Variants in SLC26A8 observed in about 807,000 individuals in gnomAD.
The protein encoded by SLC26A8 is testis anion transporter 1.
SLC26A8 carries 70 observed loss-of-function variants against 105.0 expected under a neutral mutation model. The ratio of observed to expected loss-of-function variants is 0.67; its 90% CI spans 0.55 to 0.81. The LOEUF is 0.81. Ranked by LOEUF, SLC26A8 falls within the 40% of genes least tolerant of loss-of-function variation. The pLI is 0.00. For missense variants in SLC26A8, 998 were observed against 1,181.8 expected, an observed-to-expected ratio of 0.84 and a Z score of 2.28; for synonymous variants, 415 against 438.3, an observed-to-expected ratio of 0.95 and a Z score of 0.66.
chr6:35,997,900 A>G lies in SLC26A8; in HGVS notation c.465T>C (p.Ser155=), dbSNP rs769978909. The change falls in exon 5 of 20, where the codon AGT becomes AGC. Residue 155 remains serine (S), a synonymous_variant. Coordinates refer to ENST00000490799, the MANE Select transcript of SLC26A8 (RefSeq NM_052961.4). ...QMSIGSFFLV[S]ALLINVLKVS... is the part of the protein sequence containing the mutation. ...CTTTCAGAACGTTGATCAGCAGAGCACTCACCAGGAAGAAGGAACCTGTGG... is the reference window on the plus strand; with the variant it reads ...CTTTCAGAACGTTGATCAGCAGAGCGCTCACCAGGAAGAAGGAACCTGTGG... 13 of 1,613,966 alleles carry G rather than the reference A, an allele frequency of 8.1e-6. No homozygotes were observed. Among genetic ancestry groups the G allele is most frequent in the Non-Finnish European group, 1.7e-6 (2 of 1,180,010 alleles).
chr6:36,001,891 C>T (rs1025825045), intron 3 of SLC26A8, among the ~76,000 whole-genome samples: 3 of 152,188 alleles, frequency 2.0e-5, no homozygotes, highest in African/African-American at 7.2e-5. Flanking sequence ...TCAGTAGACC[C>T]TTGAGATAAC....
chr6:36,003,424 C>T (rs1354117254), intron 3 of SLC26A8, among the ~76,000 whole-genome samples: 1 of 152,056 alleles, frequency 6.6e-6, no homozygotes, highest in African/African-American at 2.4e-5. Flanking sequence ...GTGTTAATTG[C>T]TCTAATTACT....
intron 17 of SLC26A8, among the ~76,000 whole-genome samples, chr6:35,951,874 C>A (rs1249343738): frequency 1.3e-5 from 2 of 152,234 alleles, no homozygotes; most frequent in Non-Finnish European, 2.9e-5. Context: ...CTGCACCCAG[C>A]CAATTAGCCG....
intron 2 of SLC26A8, 39 bp downstream of exon 2, chr6:36,019,481 G>A (rs1388533390): frequency 6.3e-7 from 1 of 1,593,254 alleles, no homozygotes; most frequent in South Asian, 1.1e-5. Flanking sequence ...TTTCAGTCCT[G>A]CCCGGCTCGG....
intron 7 of SLC26A8, among the ~76,000 whole-genome samples, chr6:35,985,142 C>A (rs970140100): frequency 5.3e-5 from 8 of 151,978 alleles, no homozygotes; most frequent in Non-Finnish European, 1.2e-4. Context: ...GAAGCCCCCA[C>A]CCCTTCAATT....
Position 35,943,983 on chromosome 6 carries a change from G to T in SLC26A8, c.2830C>A (p.Gln944Lys), listed in dbSNP as rs1042278018. 6.2e-7 allele frequency: 1 copy of T among 1,614,190 alleles called. No homozygotes were observed. Among genetic ancestry groups the T allele is most frequent in the Non-Finnish European group, 8.5e-7 (1 of 1,180,042 alleles). Residue 944 changes from glutamine (Q) to lysine (K), a missense_variant, in exon 20 of 20, where the codon CAG becomes AAG. Transcript: ENST00000490799. ...PSMASTQSQT[Q>K]TRTWSVERRR... is the part of the protein sequence containing the mutation. The stretch of plus-strand genomic sequence containing the variant: ...CTCTCCACTGACCATGTCCGAGTCT[G>T]AGTCTGAGACTGGGTGGAAGCCATA...
chr6:35,991,401 C>CAAAAAA (rs10717911), intron 7 of SLC26A8, among the ~76,000 whole-genome samples: 1 of 100,470 alleles, frequency 1.0e-5, no homozygotes, highest in African/African-American at 3.7e-5. Flanking sequence ...AAGACTCTGT[C>CAAAAAA]AAAAAAAAAA....
At chr6:35,995,201 T>C (rs969659) in intron 5 of SLC26A8, among the ~76,000 whole-genome samples, 63,835 of 152,074 alleles carry the variant, frequency 0.42, 13,691 homozygotes, top group South Asian at 0.56. Flanking sequence ...CCTTCCATCT[T>C]GTAAATGGCA....
intron 2 of SLC26A8, among the ~76,000 whole-genome samples, chr6:36,014,413 A>G (rs1397857934): frequency 1.3e-5 from 2 of 152,220 alleles, no homozygotes; most frequent in Non-Finnish European, 2.9e-5. Flanking sequence ...TCTGGATTTC[A>G]GTTAAGACAT....
At chr6:36,014,153 T>TG (rs999424847) in intron 2 of SLC26A8, among the ~76,000 whole-genome samples, 4 of 152,312 alleles carry the variant, frequency 2.6e-5, no homozygotes, top group Non-Finnish European at 5.9e-5. Flanking sequence ...TGAGCCTCTG[T>TG]GGAGAAGAGT....
At chr6:36,009,105 T>A (rs1156617370) in intron 3 of SLC26A8, among the ~76,000 whole-genome samples, 1 of 152,028 alleles carries the variant, frequency 6.6e-6, no homozygotes, top group Non-Finnish European at 1.5e-5. Flanking sequence ...GTAATCCCAG[T>A]ACTTTGGGAG....
At chr6:35,997,684 T>C in intron 5 of SLC26A8, 54 bp downstream of exon 5, 1 of 1,559,738 alleles carries the variant, frequency 6.4e-7, no homozygotes, top group East Asian at 2.2e-5. Context: ...AAGGGGTCTG[T>C]TTATAGCCCC....
chr6:35,949,533 C>T (rs1010242657), intron 19 of SLC26A8, among the ~76,000 whole-genome samples: 6 of 151,700 alleles, frequency 4.0e-5, no homozygotes, highest in African/African-American at 1.5e-4. Context: ...ACATAAAAAT[C>T]TAGAAAATGT....
chr6:35,970,243 GA>G (rs1246308438), intron 10 of SLC26A8, among the ~76,000 whole-genome samples: 5 of 152,090 alleles, frequency 3.3e-5, no homozygotes, highest in East Asian at 3.9e-4. Flanking sequence ...CGTAGGGGGG[GA>G]AAACACACCT....
At chr6:35,956,239 T>C (rs1772054433) in intron 16 of SLC26A8, among the ~76,000 whole-genome samples, 1 of 151,514 alleles carries the variant, frequency 6.6e-6, no homozygotes, top group Non-Finnish European at 1.5e-5. Flanking sequence ...CACTCCAGCC[T>C]GGGTGACACA....
intron 19 of SLC26A8, among the ~76,000 whole-genome samples, chr6:35,949,596 A>G (rs1183539828): frequency 2.0e-5 from 3 of 152,074 alleles, no homozygotes; most frequent in Non-Finnish European, 4.4e-5. Context: ...AGTAAATATA[A>G]TAAGAAAAGG....
intron 10 of SLC26A8, among the ~76,000 whole-genome samples, chr6:35,974,621 C>G (rs1201734202): frequency 6.6e-6 from 1 of 152,212 alleles, no homozygotes; most frequent in Non-Finnish European, 1.5e-5. Flanking sequence ...AAAATTTTTG[C>G]TTTGCTGCCA....
intron 5 of SLC26A8, among the ~76,000 whole-genome samples, chr6:35,996,188 G>A (rs1194736868): frequency 6.6e-6 from 1 of 152,194 alleles, no homozygotes; most frequent in East Asian, 1.9e-4. Context: ...AGCTCATAGT[G>A]TCAGGGCTGG....
intron 3 of SLC26A8, among the ~76,000 whole-genome samples, chr6:36,001,329 C>T (rs918712661): frequency 1.3e-5 from 2 of 152,100 alleles, no homozygotes; most frequent in East Asian, 1.9e-4. Flanking sequence ...GGGGTTTCAC[C>T]GTGTTAGCCA....
Sources: allele counts gnomAD v4.1 joint callset (sites outside exome capture counted in the v4.1 genomes callset), GRCh38; gene constraint gnomAD v4.1.1; transcripts MANE v1.5; gene names NCBI Gene and HGNC (gene_info 2026-07-23, HGNC 2026-07-21).